GRID1: variants seen among roughly 807,000 people sequenced by gnomAD.
GRID1 encodes glutamate ionotropic receptor delta type subunit 1.
GRID1 carries 28 observed loss-of-function variants against 98.0 expected under a neutral mutation model. The ratio of observed to expected loss-of-function variants is 0.29; its 90% CI spans 0.21 to 0.39. The LOEUF (loss-of-function observed/expected upper bound fraction) is 0.39, where lower values mean the gene tolerates loss of function less well. Ranked by LOEUF, GRID1 falls within the 10% of genes least tolerant of loss-of-function variation. The pLI, the probability that GRID1 is intolerant of heterozygous loss-of-function variation, is 1.00. For missense variants in GRID1, 1,111 were observed against 1,340.5 expected (o/e 0.83, Z 2.67); for synonymous variants, 553 against 538.5 (o/e 1.03, Z -0.37).
intron 8 of GRID1, among the ~76,000 whole-genome samples, chr10:85,823,196 A>G (rs975680556): frequency 2.0e-5 from 3 of 151,832 alleles, no homozygotes; most frequent in Non-Finnish European, 4.4e-5. Flanking sequence ...ATAAAAAAAG[A>G]AAAAAAAAGT....
chr10:85,903,229 T>C (rs1002884802), intron 5 of GRID1, among the ~76,000 whole-genome samples: 4 of 152,158 alleles, frequency 2.6e-5, no homozygotes, highest in African/African-American at 4.8e-5. Context: ...AAATTCCTGA[T>C]CTTACCCCTG....
rs116243006 is a variant in GRID1, at chr10:86,034,503, A to G, written c.726+104316T>C. Among the ~76,000 whole-genome samples the G allele has an allele frequency of 7.4e-3, 1,134 of 152,220 alleles. 18 individuals are homozygous for G. The highest frequency in any genetic ancestry group is 0.026 in the African/African-American group (1,074 of 41,522). ...AAATGAAGGCTCCAAGCAGTTGCCCATAGTCACTCAGATTGTAAGTGATAG... is the reference window on the plus strand; with the variant it reads ...AAATGAAGGCTCCAAGCAGTTGCCCGTAGTCACTCAGATTGTAAGTGATAG... On this transcript the variant is annotated intron_variant, in intron 4 of 15. Coordinates refer to ENST00000327946, the MANE Select transcript of GRID1 (RefSeq NM_017551.3).
rs375862802 is a variant in GRID1, at chr10:86,070,683, CCCT to C, written c.726+68133_726+68135del. 1.6e-4 allele frequency among the ~76,000 whole-genome samples: 25 copies of C among 152,286 alleles called. No individual in the cohort carries two copies. In the East Asian group the frequency reaches 4.3e-3, roughly 26 times the overall value. Reference sequence around the variant, plus strand: ...TATGACCCAGACACTTCTTCCTGGCCCCTCATCCATCCCTGCACACATGCCTAC... The same window carrying C: ...TATGACCCAGACACTTCTTCCTGGCCCATCCATCCCTGCACACATGCCTAC... On this transcript the variant is annotated intron_variant, in intron 4 of 15. Transcript: ENST00000327946.
chr10:85,727,052 G>A (rs1472317494), intron 10 of GRID1, among the ~76,000 whole-genome samples: 1 of 152,208 alleles, frequency 6.6e-6, no homozygotes, highest in South Asian at 2.1e-4. Context: ...GAGTCAGAAG[G>A]ACAACTTGTT....
chr10:85,678,132 T>G (rs866240674), intron 12 of GRID1, among the ~76,000 whole-genome samples: 6 of 152,066 alleles, frequency 3.9e-5, no homozygotes, highest in Non-Finnish European at 8.8e-5. Flanking sequence ...AGGCAAGACA[T>G]GGGGTGGCCT....
At chr10:85,743,886 T>C (rs1841973540) in intron 8 of GRID1, among the ~76,000 whole-genome samples, 1 of 152,198 alleles carries the variant, frequency 6.6e-6, no homozygotes, top group Admixed American at 6.5e-5. Context: ...TCATAATGCA[T>C]GCATAGGTGC....
At chr10:86,067,122 A>C (rs1240065040) in intron 4 of GRID1, among the ~76,000 whole-genome samples, 1 of 152,220 alleles carries the variant, frequency 6.6e-6, no homozygotes, top group African/African-American at 2.4e-5. Context: ...TAATGTTTTC[A>C]GATTTCCTAG....
At chr10:86,126,743 A>C (rs1411983790) in intron 4 of GRID1, among the ~76,000 whole-genome samples, 1 of 152,230 alleles carries the variant, frequency 6.6e-6, no homozygotes, top group Non-Finnish European at 1.5e-5. Context: ...ATTTCACAGG[A>C]AGTCCAAATT....
At chr10:85,820,200 T>C (rs1394670225) in intron 8 of GRID1, among the ~76,000 whole-genome samples, 3 of 139,568 alleles carry the variant, frequency 2.1e-5, no homozygotes, top group African/African-American at 5.6e-5. Flanking sequence ...TCTGATACAC[T>C]CAAAATGAGG....
chr10:86,144,070 C>T (rs1261645339), intron 3 of GRID1, among the ~76,000 whole-genome samples: 1 of 152,160 alleles, frequency 6.6e-6, no homozygotes, highest in Non-Finnish European at 1.5e-5. Context: ...TCCCCGGGTA[C>T]AGGAAAACAA....
At chr10:86,114,859 C>T (rs1844549625) in intron 4 of GRID1, among the ~76,000 whole-genome samples, 1 of 152,190 alleles carries the variant, frequency 6.6e-6, no homozygotes, top group African/African-American at 2.4e-5. Flanking sequence ...GGGCATGGCT[C>T]CATCATAAAC....
At chr10:85,703,852 T>C (rs970375931) in intron 12 of GRID1, among the ~76,000 whole-genome samples, 1 of 152,142 alleles carries the variant, frequency 6.6e-6, no homozygotes, top group Non-Finnish European at 1.5e-5. Context: ...TTGGCATGTT[T>C]TTGCAGTGGC....
intron 2 of GRID1, among the ~76,000 whole-genome samples, chr10:86,220,907 G>T (rs1247491476): frequency 1.3e-5 from 2 of 152,196 alleles, no homozygotes; most frequent in African/African-American, 2.4e-5. Flanking sequence ...CACCCTGGGG[G>T]CAAGGGTCTC....
intron 8 of GRID1, among the ~76,000 whole-genome samples, chr10:85,792,283 T>G: frequency 6.6e-6 from 1 of 152,146 alleles, no homozygotes; most frequent in East Asian, 1.9e-4. Flanking sequence ...AGAAACAAGT[T>G]GTAGCTGTCA....
At chr10:85,761,454 G>A (rs747435080) in intron 8 of GRID1, among the ~76,000 whole-genome samples, 1 of 152,194 alleles carries the variant, frequency 6.6e-6, no homozygotes, top group Non-Finnish European at 1.5e-5. Context: ...TTGGGGACTA[G>A]AGAGCCAATG....
At chr10:85,999,823 A>G (rs1192244075) in intron 4 of GRID1, among the ~76,000 whole-genome samples, 1 of 152,252 alleles carries the variant, frequency 6.6e-6, no homozygotes, top group East Asian at 1.9e-4. Flanking sequence ...AACTTCCTCA[A>G]CTTGATAAAA....
In GRID1 at chr10:86,236,312, G is replaced by T. The variant is rs551114472; in HGVS notation, c.236-29664C>A. ...TCATTATAAAATATGTGATTTGCAC[G>T]TTTTTTCTCTTAGGCAATATTTCAA... On this transcript the variant is annotated intron_variant, in intron 2 of 15. Coordinates refer to ENST00000327946, the MANE Select transcript of GRID1 (RefSeq NM_017551.3). Among the ~76,000 whole-genome samples the T allele has an allele frequency of 7.6e-4, 115 of 152,270 alleles. 1 individual carries two copies. The highest frequency in any genetic ancestry group is 3.1e-3 in the Admixed American group (47 of 15,290).
chr10:85,653,471 T>A (rs1360527089), intron 12 of GRID1, among the ~76,000 whole-genome samples: 3 of 152,090 alleles, frequency 2.0e-5, no homozygotes, highest in Admixed American at 2.0e-4. Flanking sequence ...TGAGACAGGG[T>A]GGCCAAGGAG....
chr10:85,733,193 A>C (rs1841844170), intron 8 of GRID1, among the ~76,000 whole-genome samples: 1 of 152,216 alleles, frequency 6.6e-6, no homozygotes, highest in African/African-American at 2.4e-5. Context: ...TAGAAATGAA[A>C]TAGAAGGACC....
Sources: gnomAD v4.1 joint callset for allele counts (sites outside exome capture counted in the v4.1 genomes callset) on GRCh38, gnomAD v4.1.1 for gene constraint, MANE v1.5 for transcripts, NCBI Gene and HGNC (gene_info 2026-07-23, HGNC 2026-07-21) for gene names.